Variants in CYP4F11 observed in about 807,000 individuals in gnomAD.
CYP4F11 encodes the protein cytochrome P450 4F11.
CYP4F11 carries 79 observed loss-of-function variants against 62.2 expected under a neutral mutation model. That is an observed-to-expected ratio of 1.27 (90% CI 1.06 to 1.53). The LOEUF is 1.53. Among genes scored for constraint, CYP4F11 ranks in the 40% most tolerant of loss-of-function variants. The pLI, the probability that CYP4F11 is intolerant of heterozygous loss-of-function variation, is 0.00. For synonymous variants in CYP4F11, 290 were observed against 263.7 expected, an observed-to-expected ratio of 1.10 and a Z score of -0.97; for missense variants, 777 against 680.5, an observed-to-expected ratio of 1.14 and a Z score of -1.58.
Position 15,922,046 on chromosome 19 carries a change from T to A in CYP4F11, c.1106A>T (p.Glu369Val). Residue 369 changes from glutamate (E) to valine (V), a missense_variant, in exon 8 of 12, where the codon GAG becomes GTG. Transcript: ENST00000402119. ...CAGCACCTGCACTCACCATTCAATC[T>A]CTATAGGTTCACGGTCCTTCAGAAG... ...QELLKDREPI[E>V]IEWDDLAQLP... The A allele has an allele frequency of 1.2e-6, 2 of 1,606,960 alleles. No individual in the cohort carries two copies. The highest frequency in any genetic ancestry group is 1.7e-6 in the Non-Finnish European group (2 of 1,176,608).
Position 15,913,088 on chromosome 19 carries a change from G to A in CYP4F11, c.*644C>T, listed in dbSNP as rs909561872. 1 of 156,482 alleles carries A rather than the reference G, an allele frequency of 6.4e-6. No individual in the cohort carries two copies. Among genetic ancestry groups the A allele is most frequent in the African/African-American group, 2.4e-5 (1 of 41,374 alleles). 9.7% of individuals were successfully genotyped at this position (156,482 alleles called of 1,614,324 possible). A position where few individuals can be genotyped will look rare whatever the true frequency, so the allele number is the denominator to read the frequency against. On this transcript the variant is annotated 3_prime_UTR_variant, in exon 12 of 12. Coordinates refer to ENST00000402119, the MANE Select transcript of CYP4F11 (RefSeq NM_021187.4). ...ATGCTGTTGTCTCCATTATATGGTTGAGGGAACCGAGGCACAGAGAGAGGA... is the reference window on the plus strand; with the variant it reads ...ATGCTGTTGTCTCCATTATATGGTTAAGGGAACCGAGGCACAGAGAGAGGA...
chr19:15,922,470 A>T (rs538845657), intron 6 of CYP4F11, 40 bp from the exon 7 acceptor site: 2 of 1,597,338 alleles, frequency 1.3e-6, no homozygotes, highest in East Asian at 2.2e-5. Flanking sequence ...CCCAAATCAC[A>T]CCAGCTCTGA....
At position 15,912,725 on chromosome 19, in the gene CYP4F11, GTGTGTGTGTA is replaced by G. The variant is rs1424197445; in HGVS notation, c.*997_*1006del. The G allele has an allele frequency of 3.3e-4, 27 of 81,366 alleles. 1 individual carries two copies. Among genetic ancestry groups the G allele is most frequent in the South Asian group, 9.1e-4 (2 of 2,198 alleles). 5.0% of individuals were successfully genotyped at this position (81,366 alleles called of 1,614,324 possible). Reference sequence around the variant, plus strand: ...TGTGTGTGTGTGTGTGTGTGTGTGTGTGTGTGTGTATATGTATATATGTGTGTGTGTGTGT... The same window carrying G: ...TGTGTGTGTGTGTGTGTGTGTGTGTGTATGTATATATGTGTGTGTGTGTGT... On this transcript the variant is annotated 3_prime_UTR_variant, in exon 12 of 12. Transcript: ENST00000402119.
intron 7 of CYP4F11, 94 bp downstream of exon 7, chr19:15,922,270 G>A (rs532573134): frequency 5.4e-5 from 87 of 1,601,954 alleles, no homozygotes; most frequent in Non-Finnish European, 5.8e-5. Flanking sequence ...GGAGGAGGAG[G>A]ATGGGCAGAA....
chr19:15,931,545 G>GC (rs2089718222), intron 1 of CYP4F11, among the ~76,000 whole-genome samples: 4 of 98,538 alleles, frequency 4.1e-5, no homozygotes, highest in Admixed American at 1.0e-4. Flanking sequence ...AGTGAGCGGG[G>GC]AGAGGAATGA....
intron 4 of CYP4F11, among the ~76,000 whole-genome samples, chr19:15,925,411 G>A (rs1205533260): frequency 6.6e-6 from 1 of 152,120 alleles, no homozygotes; most frequent in Non-Finnish European, 1.5e-5. Flanking sequence ...GGGATATGGT[G>A]AGTGCTCAGT....
chr19:15,928,747 G>A (rs2089688145), intron 2 of CYP4F11, among the ~76,000 whole-genome samples: 1 of 152,212 alleles, frequency 6.6e-6, no homozygotes, highest in South Asian at 2.1e-4. Flanking sequence ...GATGAGCAGA[G>A]GTAAAGAAAG....
Position 15,919,521 on chromosome 19 carries a change from T to TAGATAGACAGAC in CYP4F11, c.1115+2515_1115+2516insGTCTGTCTATCT, listed in dbSNP as rs1191784843. 8.1e-4 allele frequency among the ~76,000 whole-genome samples: 118 copies of TAGATAGACAGAC among 146,178 alleles called. 1 individual carries two copies. The highest frequency in any genetic ancestry group is 1.3e-3 in the African/African-American group (51 of 40,238). ...ATAGATAGATAGATAGATAGATAGA[T>TAGATAGACAGAC]AGACAGATAGATAAGCAGACAGTTA... On this transcript the variant is annotated intron_variant, in intron 8 of 11. Coordinates refer to ENST00000402119, the MANE Select transcript of CYP4F11 (RefSeq NM_021187.4).
intron 4 of CYP4F11, among the ~76,000 whole-genome samples, chr19:15,926,580 C>A (rs1157632788): frequency 2.0e-5 from 3 of 152,188 alleles, no homozygotes; most frequent in Non-Finnish European, 2.9e-5. Context: ...TGAAACATTG[C>A]AGAGAAAATG....
At position 15,934,295 on chromosome 19, in the gene CYP4F11, G is replaced by A; in HGVS notation, c.114C>T (p.Thr38=). Residue 38 remains threonine, a synonymous_variant, in exon 1 of 12, where the codon ACC becomes ACT. Transcript: ENST00000402119. ...GGCGGCAGTTGTCATAGAAGGTGTA[G>A]GTCCAGGCCAGGACGCGGGCCAGGA... ...SWLLARVLAW[T]YTFYDNCRRL... The A allele has an allele frequency of 2.5e-6, 4 of 1,613,822 alleles. No homozygotes were observed. The highest frequency in any genetic ancestry group is 2.2e-5 in the East Asian group (1 of 44,872).
In CYP4F11 at chr19:15,931,549, G is replaced by GGAATGAGTGAGTGAGGAGAA. The variant is rs2089718584; in HGVS notation, c.199-1949_199-1948insTTCTCCTCACTCACTCATTC. Among the ~76,000 whole-genome samples, 8 of 100,270 alleles carry GGAATGAGTGAGTGAGGAGAA rather than the reference G, an allele frequency of 8.0e-5. No homozygotes were observed. The East Asian group carries it at 8.2e-4, about 10-fold the overall frequency. The allele number at this position is 100,270 out of a possible 152,430, so 65.8% of individuals were successfully genotyped here. On this transcript the variant is annotated intron_variant, in intron 1 of 11. Transcript: ENST00000402119. ...TCAGAGGAATGAGTGAGCGGGGAGA[G>GGAATGAGTGAGTGAGGAGAA]GAATGAGTGAGCGAGGAGAGGAATG...
Position 15,934,482 on chromosome 19 carries a change from G to A in CYP4F11, c.-74C>T. 1.9e-6 allele frequency: 3 copies of A among 1,551,512 alleles called. No homozygotes were observed. The highest frequency in any genetic ancestry group is 1.2e-5 in the South Asian group (1 of 84,994). ...GGCCCAGGAAGCTCCAAGGACAGTG[G>A]AAAGGGGCAAGGATGGGCAGTGCTG... On this transcript the variant is annotated 5_prime_UTR_variant, in exon 1 of 12. Transcript: ENST00000402119.
rs376221111 is a variant in CYP4F11, at chr19:15,922,122, G to A, written c.1030C>T (p.Leu344Phe). 4.3e-6 allele frequency: 7 copies of A among 1,614,094 alleles called. No homozygotes were observed. The highest frequency in any genetic ancestry group is 5.9e-6 in the Non-Finnish European group (7 of 1,179,996). Reference protein sequence around the residue: ...ASGLSWVLYHLAKHPEYQEQC... With the variant: ...ASGLSWVLYHFAKHPEYQEQC... ...TCCTGGTATTCTGGGTGCTTTGCAA[G>A]GTGGTATAGGACCCAGGAGAGACCA... is the stretch of plus-strand genomic sequence containing the variant. Residue 344 changes from leucine to phenylalanine, a missense_variant, in exon 8 of 12, where the codon CTT becomes TTT. Leu to Phe is a conservative substitution (Grantham distance 22). Transcript: ENST00000402119.
At chr19:15,928,307 A>G (rs1446003287) in intron 2 of CYP4F11, among the ~76,000 whole-genome samples, 14 of 152,222 alleles carry the variant, frequency 9.2e-5, no homozygotes, top group Admixed American at 9.2e-4. Context: ...CCCAGGTGGA[A>G]GCATATACCA....
chr19:15,914,236 G>C, intron 11 of CYP4F11, 69 bp downstream of exon 11: 1 of 1,530,872 alleles, frequency 6.5e-7, no homozygotes, highest in South Asian at 1.2e-5. Context: ...GGGACCATCT[G>C]TAACTTCCCC....
At chr19:15,933,265 G>C (rs1368485446) in intron 1 of CYP4F11, among the ~76,000 whole-genome samples, 2 of 16,150 alleles carry the variant, frequency 1.2e-4, no homozygotes, top group Non-Finnish European at 2.0e-4. Context: ...AGTGAGCGAG[G>C]AGAGGAATGA....
intron 8 of CYP4F11, among the ~76,000 whole-genome samples, chr19:15,919,267 A>T (rs1241065047): frequency 6.7e-6 from 1 of 148,306 alleles, no homozygotes; most frequent in East Asian, 1.9e-4. Context: ...ATATATAAAT[A>T]TGTATATATT....
chr19:15,923,438 G>T (rs1026886363), intron 6 of CYP4F11, among the ~76,000 whole-genome samples: 1 of 152,148 alleles, frequency 6.6e-6, no homozygotes, highest in Admixed American at 6.5e-5. Context: ...AGGAATATGG[G>T]AATAGAGAGC....
At position 15,921,938 on chromosome 19, in the gene CYP4F11, G is replaced by A. The variant is rs118045138; in HGVS notation, c.1115+99C>T. ...AGATTTGCACCGATTCCCACTAAGC[G>A]ATAATGGAAGAATTGACCAAAAAAA... is the stretch of plus-strand genomic sequence containing the variant. On this transcript the variant is annotated intron_variant, in intron 8 of 11. Transcript: ENST00000402119. 1.9e-4 allele frequency: 260 copies of A among 1,401,376 alleles called. 1 individual carries two copies. In the East Asian group the frequency reaches 4.9e-3, roughly 27 times the overall value. 86.8% of individuals were successfully genotyped at this position (1,401,376 alleles called of 1,614,324 possible). A position where few individuals can be genotyped will look rare whatever the true frequency, so the allele number is the denominator to read the frequency against.
Sources: gnomAD v4.1 joint callset for allele counts (sites outside exome capture counted in the v4.1 genomes callset) on GRCh38, gnomAD v4.1.1 for gene constraint, MANE v1.5 for transcripts, NCBI Gene and HGNC (gene_info 2026-07-23, HGNC 2026-07-21) for gene names.